PLCB1: variants seen among roughly 807,000 people sequenced by gnomAD.
The protein encoded by PLCB1 is phospholipase C beta 1.
PLCB1 carries 46 observed loss-of-function variants against 161.8 expected under a neutral mutation model. That is an observed-to-expected ratio of 0.28 (90% CI 0.22 to 0.36). PLCB1 has a LOEUF of 0.36. Ranked by LOEUF, PLCB1 falls within the 10% of genes least tolerant of loss-of-function variation. PLCB1 has a pLI of 1.00. For synonymous variants in PLCB1, 517 were observed against 503.7 expected, an observed-to-expected ratio of 1.03 and a Z score of -0.35; for missense variants, 1,016 against 1,472.5, an observed-to-expected ratio of 0.69 and a Z score of 5.07.
intron 9 of PLCB1, among the ~76,000 whole-genome samples, chr20:8,662,376 T>C (rs181207943): frequency 5.2e-4 from 66 of 126,942 alleles, no homozygotes; most frequent in African/African-American, 2.0e-3. Context: ...TATATAATTA[T>C]GTATAATATA....
At chr20:8,336,723 C>T (rs1985594986) in intron 2 of PLCB1, among the ~76,000 whole-genome samples, 1 of 152,078 alleles carries the variant, frequency 6.6e-6, no homozygotes, top group Admixed American at 6.6e-5. Context: ...CCCTAAATTT[C>T]CATATAACTT....
intron 1 of PLCB1, among the ~76,000 whole-genome samples, chr20:8,139,964 A>G (rs1176315042): frequency 6.6e-6 from 1 of 152,156 alleles, no homozygotes; most frequent in Non-Finnish European, 1.5e-5. Flanking sequence ...TAAAGGGGCC[A>G]ATTTCCTGCA....
intron 27 of PLCB1, among the ~76,000 whole-genome samples, chr20:8,776,389 G>T (rs929360969): frequency 6.6e-6 from 1 of 151,932 alleles, no homozygotes; most frequent in Admixed American, 6.6e-5. Context: ...AGATGCCTCG[G>T]CTAATTCAGG....
At chr20:8,312,486 A>T (rs1984452103) in intron 2 of PLCB1, among the ~76,000 whole-genome samples, 1 of 152,094 alleles carries the variant, frequency 6.6e-6, no homozygotes, top group African/African-American at 2.4e-5. Context: ...CTAAGAAGAA[A>T]TTACACCTGG....
intron 2 of PLCB1, among the ~76,000 whole-genome samples, chr20:8,224,871 A>G (rs1041241369): frequency 3.6e-4 from 55 of 152,280 alleles, no homozygotes; most frequent in African/African-American, 9.9e-4. Flanking sequence ...TTTGAACTTC[A>G]TATACACGGA....
At chr20:8,790,645 C>G (rs897503139) in intron 31 of PLCB1, among the ~76,000 whole-genome samples, 6 of 152,154 alleles carry the variant, frequency 3.9e-5, no homozygotes, top group Admixed American at 2.6e-4. Flanking sequence ...TAATGCCACC[C>G]TCTGTCCAGC....
intron 23 of PLCB1, among the ~76,000 whole-genome samples, chr20:8,756,101 GTGT>G (rs1175468976): frequency 4.6e-5 from 7 of 152,052 alleles, no homozygotes; most frequent in Admixed American, 1.3e-4. Flanking sequence ...GTTTTTGTGG[GTGT>G]TGTTGTTGTT....
At chr20:8,406,743 T>C (rs1158619774) in intron 3 of PLCB1, among the ~76,000 whole-genome samples, 1 of 152,226 alleles carries the variant, frequency 6.6e-6, no homozygotes, top group Non-Finnish European at 1.5e-5. Context: ...TATTATTCAG[T>C]TTTACCAGTA....
At chr20:8,430,533 A>T (rs936241384) in intron 3 of PLCB1, among the ~76,000 whole-genome samples, 6 of 152,232 alleles carry the variant, frequency 3.9e-5, no homozygotes, top group Non-Finnish European at 8.8e-5. Context: ...TATATGTTTA[A>T]TGAACCTAGT....
chr20:8,701,925 C>G (rs1978387713), intron 11 of PLCB1, among the ~76,000 whole-genome samples: 1 of 152,178 alleles, frequency 6.6e-6, no homozygotes, highest in Non-Finnish European at 1.5e-5. Flanking sequence ...AACATTTGGG[C>G]CAGATATTCA....
At chr20:8,684,135 T>C (rs970869801) in intron 9 of PLCB1, among the ~76,000 whole-genome samples, 58 of 152,200 alleles carry the variant, frequency 3.8e-4, no homozygotes, top group Middle Eastern at 3.4e-3. Context: ...CTGCCCACCT[T>C]GGCCTCCCAA....
chr20:8,693,624 C>A (rs4319991), intron 10 of PLCB1, among the ~76,000 whole-genome samples: 12,450 of 152,224 alleles, frequency 0.082, 630 homozygotes, highest in African/African-American at 0.14. Context: ...CATTCTGGAA[C>A]CTTCTTACCC....
intron 3 of PLCB1, among the ~76,000 whole-genome samples, chr20:8,442,781 A>C (rs1458508224): frequency 6.6e-6 from 1 of 152,140 alleles, no homozygotes; most frequent in Non-Finnish European, 1.5e-5. Flanking sequence ...CATGACATTG[A>C]AACTAGTAAA....
intron 3 of PLCB1, among the ~76,000 whole-genome samples, chr20:8,381,044 G>GT (rs1173526349): frequency 3.3e-5 from 5 of 152,080 alleles, no homozygotes; most frequent in African/African-American, 1.2e-4. Flanking sequence ...AATGCTTCCA[G>GT]TTTTTTCCCA....
intron 4 of PLCB1, among the ~76,000 whole-genome samples, chr20:8,638,045 G>A (rs1446886393): frequency 6.6e-6 from 1 of 152,048 alleles, no homozygotes; most frequent in African/African-American, 2.4e-5. Context: ...ACAGGCACCC[G>A]CCACCATGCC....
At chr20:8,525,545 G>T (rs1046678316) in intron 3 of PLCB1, among the ~76,000 whole-genome samples, 1 of 152,136 alleles carries the variant, frequency 6.6e-6, no homozygotes, top group African/African-American at 2.4e-5. Flanking sequence ...CTAATTGACC[G>T]TGTTGTGCCT....
At chr20:8,252,994 C>T (rs1981231033) in intron 2 of PLCB1, among the ~76,000 whole-genome samples, 1 of 151,912 alleles carries the variant, frequency 6.6e-6, no homozygotes, top group South Asian at 2.1e-4. Context: ...AATGCCCATT[C>T]TCACTCTCTG....
At chr20:8,448,507 T>G (rs1250685123) in intron 3 of PLCB1, among the ~76,000 whole-genome samples, 2 of 152,228 alleles carry the variant, frequency 1.3e-5, no homozygotes, top group Admixed American at 1.3e-4. Flanking sequence ...GAATAATTGC[T>G]GTGTTAGGGC....
chr20:8,733,153 C>A, intron 18 of PLCB1, 85 bp from the exon 19 acceptor site: 1 of 1,346,516 alleles, frequency 7.4e-7, no homozygotes, highest in Non-Finnish European at 1.0e-6. Context: ...CAAAAGTGGA[C>A]TGGGATCAAC....
Sources: gnomAD v4.1 joint callset for allele counts (sites outside exome capture counted in the v4.1 genomes callset) on GRCh38, gnomAD v4.1.1 for gene constraint, MANE v1.5 for transcripts, NCBI Gene and HGNC (gene_info 2026-07-23, HGNC 2026-07-21) for gene names.